TPH2: variants seen among roughly 807,000 people sequenced by gnomAD.
The protein encoded by TPH2 is tryptophan 5-hydroxylase 2.
TPH2 carries 27 observed loss-of-function variants against 59.1 expected under a neutral mutation model. The observed-to-expected ratio is 0.46, with a 90% CI of 0.34 to 0.63. The LOEUF is 0.63. Ranked by LOEUF, TPH2 falls within the 30% of genes least tolerant of loss-of-function variation. TPH2 has a pLI of 0.01. For missense variants in TPH2, 523 were observed against 588.3 expected, an observed-to-expected ratio of 0.89 and a Z score of 1.15; for synonymous variants, 220 against 210.5, an observed-to-expected ratio of 1.05 and a Z score of -0.39.
At chr12:72,017,387 T>C (rs952048774) in intron 8 of TPH2, among the ~76,000 whole-genome samples, 3 of 152,246 alleles carry the variant, frequency 2.0e-5, no homozygotes, top group African/African-American at 7.2e-5. Flanking sequence ...TAAATGCCTC[T>C]GCTATTCTTC....
In TPH2 at chr12:71,962,187, T is replaced by G. The variant is rs1041845517; in HGVS notation, c.609-10332T>G. On this transcript the variant is annotated intron_variant, in intron 5 of 10. Transcript: ENST00000333850. ...GTCAAGCCACGTATGTCAGATGACT[T>G]GAATGTTTTGAAATTCAGGCATCAT... is the stretch of plus-strand genomic sequence containing the variant. 7.1e-6 allele frequency: 7 copies of G among 985,944 alleles called. No homozygotes were observed. The African/African-American group carries it at 1.2e-4, about 17-fold the overall frequency. 61.1% of individuals were successfully genotyped at this position (985,944 alleles called of 1,614,324 possible).
Position 72,031,306 on chromosome 12 carries a change from A to G in TPH2, c.1213A>G (p.Thr405Ala), listed in dbSNP as rs1873715114. ...TGTGAAAGCCTTTGACCCAAAGACA[A>G]CTTGCTTACAGGAATGCCTTATCAC... ...ACVKAFDPKT[T>A]CLQECLITTF... Residue 405 changes from threonine (T) to alanine (A), a missense_variant, in exon 10 of 11, where the codon ACT becomes GCT. By Grantham distance (58) the Thr-to-Ala change is moderately conservative. Transcript: ENST00000333850. 7 of 1,613,718 alleles carry G rather than the reference A, an allele frequency of 4.3e-6. No homozygotes were observed. Among genetic ancestry groups the G allele is most frequent in the Non-Finnish European group, 5.9e-6 (7 of 1,179,648 alleles).
At chr12:71,941,777 G>T (rs776135001) in intron 2 of TPH2, 44 bp downstream of exon 2, 10 of 1,578,170 alleles carry the variant, frequency 6.3e-6, no homozygotes, top group South Asian at 1.1e-5. Flanking sequence ...GTGACCGTGT[G>T]CCTGGGTACA....
chr12:72,018,048 C>CT (rs1449029433), intron 8 of TPH2, among the ~76,000 whole-genome samples: 1 of 152,212 alleles, frequency 6.6e-6, no homozygotes, highest in African/African-American at 2.4e-5. Flanking sequence ...CTCTTTATCT[C>CT]TTAACAACAC....
At chr12:71,995,856 C>A (rs1392179356) in intron 8 of TPH2, among the ~76,000 whole-genome samples, 1 of 152,072 alleles carries the variant, frequency 6.6e-6, no homozygotes, top group African/African-American at 2.4e-5. Context: ...TAAAAAAAGT[C>A]CCACCATTAT....
At chr12:71,964,789 T>A in intron 5 of TPH2, 3 of 972,140 alleles carry the variant, frequency 3.1e-6, no homozygotes, top group Non-Finnish European at 3.7e-6. Flanking sequence ...ATTTTTTTTT[T>A]AACTTTTACT....
rs779436980 is a variant in TPH2 at position 71,963,256 on chromosome 12, G to T, written c.609-9263G>T. Among the ~76,000 whole-genome samples the T allele has an allele frequency of 4.1e-5, 2 of 48,650 alleles. 1 individual carries two copies. Among genetic ancestry groups the T allele is most frequent in the East Asian group, 1.4e-3 (2 of 1,466 alleles). The allele number at this position is 48,650 out of a possible 152,430, so 31.9% of individuals were successfully genotyped here. On this transcript the variant is annotated intron_variant, in intron 5 of 10. Transcript: ENST00000333850. ...ATCCTGAAGTCTAATTTTATCAAAC[G>T]CAGGACTCCCAGACTTTTCTTATGA...
At chr12:71,993,437 A>G (rs573411269) in intron 7 of TPH2, among the ~76,000 whole-genome samples, 7 of 152,314 alleles carry the variant, frequency 4.6e-5, no homozygotes, top group African/African-American at 1.4e-4. Context: ...CCATTCCCAG[A>G]CAACCATAGG....
At chr12:72,017,041 T>A (rs562406997) in intron 8 of TPH2, among the ~76,000 whole-genome samples, 34 of 152,328 alleles carry the variant, frequency 2.2e-4, no homozygotes, top group African/African-American at 8.2e-4. Context: ...TACATCTCTT[T>A]AATTGTGACC....
chr12:71,987,577 G>A (rs1048531416), intron 7 of TPH2, among the ~76,000 whole-genome samples: 6 of 152,112 alleles, frequency 3.9e-5, no homozygotes, highest in African/African-American at 9.7e-5. Context: ...GGCTGGGTGC[G>A]GTGGCTCACG....
At chr12:71,953,004 T>C (rs1871392612) in intron 5 of TPH2, among the ~76,000 whole-genome samples, 2 of 152,252 alleles carry the variant, frequency 1.3e-5, no homozygotes, top group African/African-American at 2.4e-5. Flanking sequence ...ATATGCCATT[T>C]ACAAATAATG....
At chr12:71,993,514 G>C (rs1286052628) in intron 7 of TPH2, among the ~76,000 whole-genome samples, 1 of 152,180 alleles carries the variant, frequency 6.6e-6, no homozygotes, top group African/African-American at 2.4e-5. Context: ...ACTCAGGAAG[G>C]CATCTGCCTT....
At chr12:72,018,261 G>A (rs1050588815) in intron 8 of TPH2, among the ~76,000 whole-genome samples, 4 of 152,202 alleles carry the variant, frequency 2.6e-5, no homozygotes, top group Admixed American at 6.5e-5. Context: ...GGGCCAGAGA[G>A]CATTCTAAGT....
chr12:72,010,540 T>C (rs923183908), intron 8 of TPH2, among the ~76,000 whole-genome samples: 2 of 152,132 alleles, frequency 1.3e-5, no homozygotes, highest in Non-Finnish European at 2.9e-5. Flanking sequence ...CTCAGTGCAA[T>C]GGAGTGGCAA....
chr12:71,991,189 C>T (rs1592401424), intron 7 of TPH2, among the ~76,000 whole-genome samples: 2 of 152,160 alleles, frequency 1.3e-5, no homozygotes, highest in East Asian at 3.9e-4. Context: ...CTAGTATTTT[C>T]CTAACTGCTA....
intron 6 of TPH2, among the ~76,000 whole-genome samples, chr12:71,978,474 G>A (rs1253737529): frequency 1.3e-5 from 2 of 152,204 alleles, no homozygotes; most frequent in African/African-American, 2.4e-5. Flanking sequence ...TAGAGTGAAG[G>A]AGTTAGCGGG....
intron 9 of TPH2, 124 bp downstream of exon 9, chr12:72,022,618 T>G (rs943868313): frequency 1.2e-6 from 1 of 854,140 alleles, no homozygotes; most frequent in Non-Finnish European, 1.9e-6. Flanking sequence ...CATAGAGGAT[T>G]TGGCACCTCG....
At chr12:71,984,541 T>G (rs4760753) in intron 7 of TPH2, among the ~76,000 whole-genome samples, 127,985 of 152,114 alleles carry the variant, frequency 0.84, 53,963 homozygotes, top group East Asian at 0.96. Flanking sequence ...TGCTGAAGTC[T>G]TCTCAGCATG....
chr12:72,022,589 A>G (rs1873449838), intron 9 of TPH2, 95 bp downstream of exon 9: 2 of 982,670 alleles, frequency 2.0e-6, no homozygotes, highest in Admixed American at 3.7e-5. Context: ...CTACTCACAG[A>G]TACTCCATAA....
Sources: allele counts gnomAD v4.1 joint callset (sites outside exome capture counted in the v4.1 genomes callset), GRCh38; gene constraint gnomAD v4.1.1; transcripts MANE v1.5; gene names NCBI Gene and HGNC (gene_info 2026-07-23, HGNC 2026-07-21).